Variants in NFATC2 observed in about 807,000 individuals in gnomAD.
NFATC2 encodes the protein nuclear factor of activated T-cells, cytoplasmic 2.
NFATC2 carries 22 observed loss-of-function variants against 87.3 expected under a neutral mutation model. The observed-to-expected ratio is 0.25, with a 90% CI of 0.18 to 0.36. The LOEUF (loss-of-function observed/expected upper bound fraction) is 0.36. Ranked by LOEUF, NFATC2 falls within the 10% of genes least tolerant of loss-of-function variation. NFATC2 has a pLI of 1.00. For missense variants in NFATC2, 1,149 were observed against 1,259.1 expected, an observed-to-expected ratio of 0.91 and a Z score of 1.32; for synonymous variants, 565 against 542.2, an observed-to-expected ratio of 1.04 and a Z score of -0.58.
At chr20:51,531,057 C>G (rs1350065019) in intron 1 of NFATC2, among the ~76,000 whole-genome samples, 1 of 152,228 alleles carries the variant, frequency 6.6e-6, no homozygotes, top group Non-Finnish European at 1.5e-5. Context: ...TAGTAAATTA[C>G]TTGATCCTCA....
At chr20:51,399,474 T>C (rs1328363190) in intron 9 of NFATC2, among the ~76,000 whole-genome samples, 1 of 151,540 alleles carries the variant, frequency 6.6e-6, no homozygotes, top group Admixed American at 6.6e-5. Context: ...TGCAGCGTTA[T>C]TAGAAATGTC....
chr20:51,515,525 A>G (rs6067804), intron 3 of NFATC2, among the ~76,000 whole-genome samples: 67,223 of 152,066 alleles, frequency 0.44, 15,267 homozygotes, highest in South Asian at 0.5. Flanking sequence ...AGCACGAAAG[A>G]AAGTTCAGAA....
chr20:51,545,724 A>G (rs1469558105), upstream of NFATC2, among the ~76,000 whole-genome samples: 3 of 152,052 alleles, frequency 2.0e-5, no homozygotes, highest in African/African-American at 4.8e-5. Context: ...TGGATAGGGG[A>G]TGGATGGAAG....
intron 1 of NFATC2, among the ~76,000 whole-genome samples, chr20:51,549,120 T>G (rs1031442685): frequency 3.9e-5 from 6 of 151,940 alleles, no homozygotes; most frequent in Admixed American, 2.6e-4. Flanking sequence ...ATTTCACCTG[T>G]GAAAACCACA....
chr20:51,429,271 G>A (rs1315184006), intron 9 of NFATC2, among the ~76,000 whole-genome samples: 1 of 152,366 alleles, frequency 6.6e-6, no homozygotes, highest in Admixed American at 6.5e-5. Context: ...CTGGGCACGA[G>A]CCACCAGGGG....
chr20:51,502,283 C>T (rs1413457787), intron 3 of NFATC2, among the ~76,000 whole-genome samples: 1 of 152,198 alleles, frequency 6.6e-6, no homozygotes, highest in African/African-American at 2.4e-5. Context: ...GACCATGGCA[C>T]CATGCCCTTG....
At chr20:51,545,529 G>T (rs2076881751), upstream of NFATC2, among the ~76,000 whole-genome samples, 1 of 152,234 alleles carries the variant, frequency 6.6e-6, no homozygotes, top group African/African-American at 2.4e-5. Context: ...GTGGATAAAT[G>T]GAGGATGGAT....
chr20:51,429,762 T>C (rs138977517), intron 9 of NFATC2, among the ~76,000 whole-genome samples: 1 of 152,192 alleles, frequency 6.6e-6, no homozygotes, highest in Non-Finnish European at 1.5e-5. Flanking sequence ...TGGTTTAACC[T>C]AGTTTTTTCA....
intron 9 of NFATC2, among the ~76,000 whole-genome samples, chr20:51,408,753 G>T (rs1812111291): frequency 6.6e-6 from 1 of 152,176 alleles, no homozygotes; most frequent in African/African-American, 2.4e-5. Context: ...CACTATAGGA[G>T]AATCTCTTTG....
intron 1 of NFATC2, among the ~76,000 whole-genome samples, chr20:51,528,442 TAC>T (rs1478989727): frequency 2.0e-5 from 3 of 152,096 alleles, no homozygotes; most frequent in African/African-American, 7.2e-5. Context: ...CACAGATGTA[TAC>T]AGATTACACC....
chr20:51,427,046 G>A (rs369970283), intron 9 of NFATC2, among the ~76,000 whole-genome samples: 1 of 151,916 alleles, frequency 6.6e-6, no homozygotes, highest in African/African-American at 2.4e-5. Flanking sequence ...AGCCATCACC[G>A]AGACCACATC....
At chr20:51,527,462 G>A (rs2076563264) in intron 1 of NFATC2, among the ~76,000 whole-genome samples, 1 of 152,154 alleles carries the variant, frequency 6.6e-6, no homozygotes, top group Non-Finnish European at 1.5e-5. Context: ...GAACTGTGGA[G>A]TGCTCCGTTT....
chr20:51,401,564 G>A (rs187062027), intron 9 of NFATC2, among the ~76,000 whole-genome samples: 128 of 147,768 alleles, frequency 8.7e-4, no homozygotes, highest in Admixed American at 4.5e-3. Context: ...ATGGAGATGC[G>A]GACGTCAAGA....
upstream of NFATC2, among the ~76,000 whole-genome samples, chr20:51,546,162 G>T (rs1290283122): frequency 2.0e-5 from 3 of 152,206 alleles, no homozygotes; most frequent in African/African-American, 7.2e-5. Flanking sequence ...GTTCAGGACA[G>T]TCTAACTGCC....
At chr20:51,421,576 G>A (rs1980926621) in intron 9 of NFATC2, among the ~76,000 whole-genome samples, 1 of 152,230 alleles carries the variant, frequency 6.6e-6, no homozygotes, top group African/African-American at 2.4e-5. Flanking sequence ...TGTGGACAGA[G>A]CAAGTGGATG....
intron 9 of NFATC2, among the ~76,000 whole-genome samples, chr20:51,425,692 C>T (rs1884903760): frequency 6.6e-6 from 1 of 152,246 alleles, no homozygotes. Flanking sequence ...CTGAACAAAG[C>T]AGGCCAGTTA....
rs192909895 is a variant in NFATC2, at chr20:51,480,759, C to G, written c.1333-5099G>C. 6.6e-6 allele frequency among the ~76,000 whole-genome samples: 1 copy of G among 152,128 alleles called. No homozygotes were observed. Among genetic ancestry groups the G allele is most frequent in the Non-Finnish European group, 1.5e-5 (1 of 68,044 alleles). ...CACCCTGCAGGCCTCTTCTGAAAGGCGAAATAAGGTGACCTTTGTTGGGCA... is the reference window on the plus strand; with the variant it reads ...CACCCTGCAGGCCTCTTCTGAAAGGGGAAATAAGGTGACCTTTGTTGGGCA... On this transcript the variant is annotated intron_variant, in intron 3 of 10. Coordinates refer to ENST00000371564, the MANE Select transcript of NFATC2 (RefSeq NM_012340.5). The surrounding 1 kb of genome is among the most constrained non-coding windows in gnomAD (Gnocchi z 4.2).
At chr20:51,447,243 A>C (rs1176821848) in intron 6 of NFATC2, among the ~76,000 whole-genome samples, 3 of 152,210 alleles carry the variant, frequency 2.0e-5, no homozygotes, top group Non-Finnish European at 2.9e-5. Context: ...CCTTTCTAAA[A>C]AATCAATTTG....
At chr20:51,418,284 C>G (rs1160911886) in intron 9 of NFATC2, among the ~76,000 whole-genome samples, 5 of 152,368 alleles carry the variant, frequency 3.3e-5, no homozygotes, top group African/African-American at 1.2e-4. Flanking sequence ...GAGCTGGACA[C>G]TAAATCCTTC....
Sources: allele counts gnomAD v4.1 joint callset (sites outside exome capture counted in the v4.1 genomes callset), GRCh38; gene constraint gnomAD v4.1.1; non-coding constraint Gnocchi (gnomAD v3.1); transcripts MANE v1.5; gene names NCBI Gene and HGNC (gene_info 2026-07-23, HGNC 2026-07-21).